The following ST7 variants were observed in gnomAD, a reference collection of about 807,000 sequenced individuals.
ST7 encodes the protein suppressor of tumorigenicity 7 protein.
Under a neutral mutation model 78.7 loss-of-function variants are expected in ST7, and 28 were observed. The observed-to-expected ratio is 0.36, with a 90% CI of 0.26 to 0.49. ST7 has a LOEUF of 0.49. ST7 is among the 20% of genes least tolerant of loss of function. The pLI, the probability that ST7 is intolerant of heterozygous loss-of-function variation, is 0.99. For synonymous variants in ST7, 247 were observed against 249.6 expected (o/e 0.99, Z 0.10); for missense variants, 418 against 696.0 (o/e 0.60, Z 4.49).
At chr7:117,159,635 GA>G (rs1277130351) in intron 9 of ST7, among the ~76,000 whole-genome samples, 2 of 152,172 alleles carry the variant, frequency 1.3e-5, no homozygotes, top group Non-Finnish European at 2.9e-5. Context: ...TTTTGTAATA[GA>G]AAGGCTAATT....
intron 1 of ST7, among the ~76,000 whole-genome samples, chr7:117,090,518 C>T (rs963865431): frequency 2.6e-5 from 4 of 152,002 alleles, no homozygotes; most frequent in Non-Finnish European, 4.4e-5. Flanking sequence ...GGAAGAGGTT[C>T]CCAGAGCCTG....
intron 1 of ST7, among the ~76,000 whole-genome samples, chr7:117,011,169 T>C (rs1205992380): frequency 6.6e-6 from 1 of 152,174 alleles, no homozygotes; most frequent in Non-Finnish European, 1.5e-5. Context: ...TGTGTGTGTG[T>C]ATCTGTCTAC....
At chr7:116,963,247 T>G (rs1295791189) in intron 1 of ST7, among the ~76,000 whole-genome samples, 28 of 152,220 alleles carry the variant, frequency 1.8e-4, no homozygotes, top group Admixed American at 1.8e-3. Context: ...ACATCATTAT[T>G]GTATTTGAGA....
At chr7:116,998,801 G>A (rs1218683908) in intron 1 of ST7, among the ~76,000 whole-genome samples, 3 of 152,176 alleles carry the variant, frequency 2.0e-5, no homozygotes, top group Non-Finnish European at 4.4e-5. Flanking sequence ...AACTAAACAG[G>A]GAGCTGTGAT....
At chr7:117,084,483 C>G (rs1799996096) in intron 1 of ST7, among the ~76,000 whole-genome samples, 2 of 152,128 alleles carry the variant, frequency 1.3e-5, no homozygotes, top group Non-Finnish European at 2.9e-5. Flanking sequence ...GTAAGAAGCC[C>G]TTAGAACAAT....
At chr7:117,079,327 C>T (rs1306454432) in intron 1 of ST7, among the ~76,000 whole-genome samples, 2 of 152,110 alleles carry the variant, frequency 1.3e-5, no homozygotes, top group Admixed American at 1.3e-4. Flanking sequence ...TTTTGGGGTC[C>T]ACAGGGTGAG....
intron 1 of ST7, among the ~76,000 whole-genome samples, chr7:116,975,229 A>C (rs192619207): frequency 6.6e-6 from 1 of 152,198 alleles, no homozygotes; most frequent in East Asian, 1.9e-4. Context: ...TTATAAAACC[A>C]TCAGATCTCA....
At chr7:116,967,275 GGT>G (rs749848033) in intron 1 of ST7, 50 of 471,098 alleles carry the variant, frequency 1.1e-4, no homozygotes, top group Middle Eastern at 6.5e-4. Context: ...TGCAGAGTTT[GGT>G]AGGGCTCACA....
chr7:117,132,217 T>G (rs1440183003), intron 6 of ST7, among the ~76,000 whole-genome samples: 1 of 151,892 alleles, frequency 6.6e-6, no homozygotes, highest in African/African-American at 2.4e-5. Context: ...CCTAGGATAT[T>G]GTGAGGATAT....
Position 117,029,870 on chromosome 7 carries a change from C to A in ST7, c.152-69892C>A, listed in dbSNP as rs1218807057. Among the ~76,000 whole-genome samples the A allele has an allele frequency of 2.0e-5, 3 of 151,700 alleles. No homozygotes were observed. The East Asian group carries it at 5.8e-4, about 29-fold the overall frequency. ...TCAGAAGTCAGTTCACCCTATATTT[C>A]TAGTCTATTTTATTCTAGGGATCTG... On this transcript the variant is annotated intron_variant, in intron 1 of 15. Coordinates refer to ENST00000323984, the MANE Select transcript of ST7 (RefSeq NM_001369598.1).
intron 1 of ST7, chr7:116,968,309 T>TCCCTCCCTCCCTCCCTCCCTCCC (rs1379613948): frequency 1.5e-5 from 1 of 64,986 alleles, no homozygotes; most frequent in African/African-American, 6.9e-5. Context: ...CCTTCCTTCC[T>TCCCTCCCTCCCTCCCTCCCTCCC]TCCTTCCTTC....
chr7:117,135,800 G>A (rs1804742724), intron 7 of ST7, among the ~76,000 whole-genome samples: 1 of 152,068 alleles, frequency 6.6e-6, no homozygotes, highest in Non-Finnish European at 1.5e-5. Context: ...CCATCAGGGA[G>A]GCAGAGTAAG....
chr7:117,111,988 G>A (rs527800560), intron 2 of ST7, among the ~76,000 whole-genome samples: 2 of 152,056 alleles, frequency 1.3e-5, no homozygotes, highest in African/African-American at 4.8e-5. Context: ...AAATGTGTGT[G>A]TATGTATTTC....
chr7:117,099,601 A>G (rs1801412554), intron 1 of ST7, among the ~76,000 whole-genome samples, 161 bp from the exon 2 acceptor site: 1 of 152,194 alleles, frequency 6.6e-6, no homozygotes, highest in Non-Finnish European at 1.5e-5. Flanking sequence ...TTCTGAGCCT[A>G]TGTAATGGTG....
intron 15 of ST7, chr7:117,223,010 A>C: frequency 6.7e-7 from 1 of 1,484,640 alleles, no homozygotes; most frequent in Non-Finnish European, 9.4e-7. Context: ...CCACCACCAA[A>C]ACTGCTCCTC....
intron 12 of ST7, among the ~76,000 whole-genome samples, chr7:117,203,001 T>C (rs1584592166): frequency 6.6e-6 from 1 of 152,218 alleles, no homozygotes; most frequent in Non-Finnish European, 1.5e-5. Flanking sequence ...ATCAGCTCTC[T>C]GTATATGCAG....
intron 3 of ST7, among the ~76,000 whole-genome samples, chr7:117,120,504 A>G (rs1195984413): frequency 6.6e-6 from 1 of 152,136 alleles, no homozygotes; most frequent in Non-Finnish European, 1.5e-5. Context: ...TTCTGTCACA[A>G]TCCAGTCCCT....
intron 1 of ST7, among the ~76,000 whole-genome samples, chr7:117,035,032 G>C (rs899479855): frequency 6.6e-6 from 1 of 151,628 alleles, no homozygotes; most frequent in African/African-American, 2.4e-5. Context: ...CTGTGGTGTC[G>C]CAACATGAAT....
chr7:117,083,242 C>CAT (rs964731347), intron 1 of ST7, among the ~76,000 whole-genome samples: 2 of 151,170 alleles, frequency 1.3e-5, no homozygotes, highest in African/African-American at 4.9e-5. Flanking sequence ...AATATACATA[C>CAT]ATATATATAT....
Sources: allele counts gnomAD v4.1 joint callset (sites outside exome capture counted in the v4.1 genomes callset), GRCh38; gene constraint gnomAD v4.1.1; transcripts MANE v1.5; gene names NCBI Gene and HGNC (gene_info 2026-07-23, HGNC 2026-07-21).